Variants in TRPM3 observed in about 807,000 individuals in gnomAD.
TRPM3 encodes long transient receptor potential channel 3.
TRPM3 carries 77 observed loss-of-function variants against 181.2 expected under a neutral mutation model. That is an observed-to-expected ratio of 0.42 (90% CI 0.35 to 0.51). The LOEUF is 0.51. Among genes scored for constraint, TRPM3 ranks in the 20% least tolerant of loss-of-function variants. TRPM3 has a pLI of 0.01. For missense variants in TRPM3, 1,759 were observed against 2,196.7 expected, an observed-to-expected ratio of 0.80 and a Z score of 3.98; for synonymous variants, 745 against 796.4, an observed-to-expected ratio of 0.94 and a Z score of 1.09.
In TRPM3 at chr9:70,534,002, G is replaced by A. The variant is rs2041250753; in HGVS notation, c.*1951C>T. 2 of 152,156 alleles carry A rather than the reference G, an allele frequency of 1.3e-5. No homozygotes were observed. The highest frequency in any genetic ancestry group is 1.3e-4 in the Admixed American group (2 of 15,276). The allele number at this position is 152,156 out of a possible 1,614,324, so 9.4% of individuals were successfully genotyped here. On this transcript the variant is annotated 3_prime_UTR_variant, in exon 26 of 26. Coordinates refer to ENST00000677713, the MANE Select transcript of TRPM3 (RefSeq NM_001366145.2). Reference sequence around the variant, plus strand: ...TATAATTAAACAAAAGAACCAGGTAGTATCTCAGGCCAGGAACAATAGATT... The same window carrying A: ...TATAATTAAACAAAAGAACCAGGTAATATCTCAGGCCAGGAACAATAGATT...
rs936779812 is a variant in TRPM3 at position 70,535,659 on chromosome 9, G to T, written c.*294C>A. On this transcript the variant is annotated 3_prime_UTR_variant, in exon 26 of 26. Coordinates refer to ENST00000677713, the MANE Select transcript of TRPM3 (RefSeq NM_001366145.2). ...GTTTCCCCTGCTCTCATGGCTTTCT[G>T]CTGTGACTGCGGATACACATTCATC... 1.4e-6 allele frequency: 2 copies of T among 1,441,664 alleles called. No homozygotes were observed. The highest frequency in any genetic ancestry group is 9.0e-7 in the Non-Finnish European group (1 of 1,105,628). The allele number at this position is 1,441,664 out of a possible 1,614,324, so 89.3% of individuals were successfully genotyped here. A position where few individuals can be genotyped will look rare whatever the true frequency, so the allele number is the denominator to read the frequency against.
Position 70,598,649 on chromosome 9 carries a change from T to A in TRPM3, c.2818A>T (p.Lys940Ter), listed in dbSNP as rs765370092. The change falls in exon 21 of 26, where the codon AAG (lysine) becomes TAG (stop). Residue 940 changes from lysine to a stop codon, truncating the protein, a stop_gained. Transcript: ENST00000677713. LOFTEE classifies it high-confidence loss of function. ...CATACCTTCACTTTCTGTAGCAACT[T>A]CCCTGGCTCTGACATCAGAATCTAT... ...MREILMSEPG[K>*]LLQKVKVWLQ... is the part of the protein sequence containing the mutation. 6.2e-7 allele frequency: 1 copy of A among 1,613,876 alleles called. No homozygotes were observed. The highest frequency in any genetic ancestry group is 1.1e-5 in the South Asian group (1 of 91,066).
intron 24 of TRPM3, among the ~76,000 whole-genome samples, chr9:70,550,719 C>A (rs914145642): frequency 1.3e-5 from 2 of 152,174 alleles, no homozygotes; most frequent in African/African-American, 2.4e-5. Flanking sequence ...GGATTTTGGA[C>A]CCTCAGGGAT....
At chr9:70,540,417 T>C (rs2042998897) in intron 25 of TRPM3, among the ~76,000 whole-genome samples, 1 of 152,210 alleles carries the variant, frequency 6.6e-6, no homozygotes, top group East Asian at 1.9e-4. Flanking sequence ...AGTATCTCCT[T>C]GCCATGGCCT....
intron 24 of TRPM3, among the ~76,000 whole-genome samples, chr9:70,551,786 G>A (rs539726113): frequency 2.0e-5 from 3 of 152,076 alleles, no homozygotes; most frequent in Non-Finnish European, 2.9e-5. Flanking sequence ...TTCCTGAGTC[G>A]AGAAGCTTAG....
intron 6 of TRPM3, among the ~76,000 whole-genome samples, chr9:70,787,873 T>C (rs1294843524): frequency 6.7e-6 from 1 of 149,648 alleles, no homozygotes; most frequent in Non-Finnish European, 1.5e-5. Context: ...ACACATTATC[T>C]CTAACAACAA....
intron 1 of TRPM3, among the ~76,000 whole-genome samples, chr9:71,183,030 A>G (rs916193333): frequency 3.3e-5 from 5 of 152,220 alleles, no homozygotes; most frequent in Non-Finnish European, 7.3e-5. Context: ...GGGTAAAAAA[A>G]GAAAAGAAAA....
chr9:70,578,131 A>T (rs113710933), intron 22 of TRPM3, among the ~76,000 whole-genome samples: 2 of 152,188 alleles, frequency 1.3e-5, no homozygotes, highest in African/African-American at 4.8e-5. Context: ...AGTGGTGTTA[A>T]GTTGATCAGT....
At chr9:70,596,270 T>G (rs745758274) in intron 21 of TRPM3, among the ~76,000 whole-genome samples, 2 of 152,248 alleles carry the variant, frequency 1.3e-5, no homozygotes, top group Non-Finnish European at 2.9e-5. Flanking sequence ...CAATTCATTT[T>G]GAATTTGAAT....
At chr9:71,419,069 T>G (rs1455494305) in intron 1 of TRPM3, among the ~76,000 whole-genome samples, 1 of 151,052 alleles carries the variant, frequency 6.6e-6, no homozygotes, top group Non-Finnish European at 1.5e-5. Context: ...CTGAGGAAAA[T>G]AAAACTAAAA....
At chr9:70,882,989 C>G (rs1330962093) in intron 1 of TRPM3, among the ~76,000 whole-genome samples, 1 of 152,160 alleles carries the variant, frequency 6.6e-6, no homozygotes, top group Non-Finnish European at 1.5e-5. Flanking sequence ...CCAAAAACAA[C>G]ATTCTGAACA....
chr9:70,998,144 CAT>C (rs1026063280), intron 1 of TRPM3, among the ~76,000 whole-genome samples: 75 of 55,556 alleles, frequency 1.3e-3, no homozygotes, highest in Admixed American at 2.5e-3. Context: ...TATATATACA[CAT>C]ATATATATAC....
rs192391446 is a variant in TRPM3 at position 71,191,441 on chromosome 9, C to T, written c.183+255212G>A. On this transcript the variant is annotated intron_variant, in intron 1 of 24. Coordinates refer to the TRPM3 transcript ENST00000357533. ...AGCTCACTTCCATTTCTTCCTAGCT[C>T]ATGGTCTGTGCTAGAAGCTTGCAAC... 6.6e-5 allele frequency among the ~76,000 whole-genome samples: 10 copies of T among 151,938 alleles called. 1 individual carries two copies. The South Asian group carries it at 1.7e-3, about 25-fold the overall frequency.
At position 70,537,330 on chromosome 9, in the gene TRPM3, C is replaced by T; in HGVS notation, c.3783G>A (p.Val1261=). Residue 1261 remains valine, a synonymous_variant, in exon 26 of 26, where the codon GTG becomes GTA. Transcript: ENST00000677713. Reference sequence around the variant, plus strand: ...CTTCCAGCTGCGCCAGCCGGATGTCCACGGTCTGGAGTGAAGCCTTCATGG... The same window carrying T: ...CTTCCAGCTGCGCCAGCCGGATGTCTACGGTCTGGAGTGAAGCCTTCATGG... ...EHSMKASLQT[V]DIRLAQLEDL... 2 of 1,521,248 alleles carry T rather than the reference C, an allele frequency of 1.3e-6. No individual in the cohort carries two copies. The highest frequency in any genetic ancestry group is 8.8e-7 in the Non-Finnish European group (1 of 1,132,724). The allele number at this position is 1,521,248 out of a possible 1,614,324, so 94.2% of individuals were successfully genotyped here.
chr9:71,018,582 A>T (rs938917951), intron 1 of TRPM3, among the ~76,000 whole-genome samples: 2 of 151,818 alleles, frequency 1.3e-5, no homozygotes, highest in African/African-American at 4.8e-5. Context: ...ATCCTTAGAA[A>T]AATAAGACTC....
chr9:70,599,629 A>C (rs559765116), intron 20 of TRPM3, among the ~76,000 whole-genome samples: 2 of 152,294 alleles, frequency 1.3e-5, no homozygotes, highest in African/African-American at 4.8e-5. Flanking sequence ...CCTTCTGTTC[A>C]GCACTTTCTT....
At chr9:70,580,130 T>C (rs1243770562) in intron 22 of TRPM3, among the ~76,000 whole-genome samples, 1 of 152,176 alleles carries the variant, frequency 6.6e-6, no homozygotes, top group Non-Finnish European at 1.5e-5. Context: ...TTTTAGAAGA[T>C]ATTTTGGAAC....
chr9:71,147,651 C>G (rs1175374913), intron 1 of TRPM3, among the ~76,000 whole-genome samples: 1 of 152,140 alleles, frequency 6.6e-6, no homozygotes, highest in Non-Finnish European at 1.5e-5. Context: ...GAATGGAAAT[C>G]AGGTTAAGAT....
rs1044410356 is a variant in TRPM3 at position 70,828,146 on chromosome 9, A to G, written c.802-128T>C. 3 of 919,230 alleles carry G rather than the reference A, an allele frequency of 3.3e-6. No individual in the cohort carries two copies. The Admixed American group carries it at 7.8e-5, about 24-fold the overall frequency. 56.9% of individuals were successfully genotyped at this position (919,230 alleles called of 1,614,324 possible). On this transcript the variant is annotated intron_variant, in intron 5 of 25. Coordinates refer to ENST00000677713, the MANE Select transcript of TRPM3 (RefSeq NM_001366145.2). ...CTGTGGTACAGTGAAAGTACAGTCT[A>G]CATCTTCTTCTTAGTATTGCTTTGG...
Sources: gnomAD v4.1 joint callset for allele counts (sites outside exome capture counted in the v4.1 genomes callset) on GRCh38, gnomAD v4.1.1 for gene constraint, MANE v1.5 for transcripts, NCBI Gene and HGNC (gene_info 2026-07-23, HGNC 2026-07-21) for gene names.